Variants in CTTNBP2 observed in about 807,000 individuals in gnomAD.
CTTNBP2 encodes cortactin-binding protein 2.
CTTNBP2 carries 108 observed loss-of-function variants against 156.9 expected under a neutral mutation model. The ratio of observed to expected loss-of-function variants is 0.69; its 90% confidence interval spans 0.59 to 0.81. CTTNBP2 has a LOEUF of 0.81. Among genes scored for constraint, CTTNBP2 ranks in the 30% least tolerant of loss-of-function variants. The pLI is 0.00. For missense variants in CTTNBP2, 1,924 were observed against 2,035.4 expected (o/e 0.95, Z 1.05); for synonymous variants, 767 against 751.8 (o/e 1.02, Z -0.33).
intron 1 of CTTNBP2, among the ~76,000 whole-genome samples, chr7:117,868,452 T>C (rs7794364): frequency 0.76 from 116,279 of 152,172 alleles, 45,506 homozygotes; most frequent in African/African-American, 0.93. Context: ...TGATCCCCAA[T>C]GTATTAGTTG....
At chr7:117,851,393 A>T (rs915708938) in intron 2 of CTTNBP2, among the ~76,000 whole-genome samples, 1 of 152,168 alleles carries the variant, frequency 6.6e-6, no homozygotes, top group Non-Finnish European at 1.5e-5. Context: ...ACCCCCTCAC[A>T]CACACACAAC....
At chr7:117,844,596 C>T (rs953006982) in intron 2 of CTTNBP2, among the ~76,000 whole-genome samples, 1 of 152,144 alleles carries the variant, frequency 6.6e-6, no homozygotes, top group African/African-American at 2.4e-5. Context: ...AGCAAGCAAC[C>T]ATTCTAAGGA....
intron 10 of CTTNBP2, 38 bp from the exon 11 acceptor site, chr7:117,758,008 T>A (rs749355438): frequency 1.3e-5 from 19 of 1,487,836 alleles, no homozygotes; most frequent in Non-Finnish European, 1.6e-5. Context: ...CAAGGGAAGC[T>A]TATGAGTGGT....
chr7:117,728,045 ACGTC>A (rs1158633591), intron 17 of CTTNBP2, 40 bp downstream of exon 17: 1 of 1,561,536 alleles, frequency 6.4e-7, no homozygotes, highest in South Asian at 1.2e-5. Flanking sequence ...TGAATTGGCC[ACGTC>A]TCTATCATAA....
At position 117,724,561 on chromosome 7, in the gene CTTNBP2, T is replaced by C; in HGVS notation, c.4433A>G (p.Asp1478Gly). 2 of 1,613,572 alleles carry C rather than the reference T, an allele frequency of 1.2e-6. No individual in the cohort carries two copies. The highest frequency in any genetic ancestry group is 1.7e-6 in the Non-Finnish European group (2 of 1,179,922). The stretch of plus-strand genomic sequence containing the variant: ...CCGCCCTTTACCTTCAGTGCTTAGG[T>C]CTGGCTTATTCCAGGTGGGTAAAGA... ...RFSLPTWNKPDLSTEGMKNKT... is the reference protein window; with the variant it reads ...RFSLPTWNKPGLSTEGMKNKT... The change falls in exon 19 of 23, where the codon GAC (aspartate) becomes GGC (glycine). Residue 1478 changes from aspartate (D) to glycine (G), a missense_variant. Transcript: ENST00000160373.
chr7:117,834,090 T>C (rs1033863888), intron 2 of CTTNBP2, among the ~76,000 whole-genome samples: 2 of 151,846 alleles, frequency 1.3e-5, no homozygotes, highest in Non-Finnish European at 2.9e-5. Flanking sequence ...TTTACTCCAT[T>C]GCTGCCCAGG....
chr7:117,791,168 A>G lies in CTTNBP2; in HGVS notation c.2028T>C (p.Cys676=). The G allele has an allele frequency of 1.2e-6, 2 of 1,614,176 alleles. No individual in the cohort carries two copies. The part of the protein sequence containing the change: ...SSINPVSASS[C]RPGASDSLLV... ...GGAGGCTGTCTGAGGCACCTGGTCT[A>G]CAGGATGAGGCACTAACGGGGTTTA... Residue 676 remains cysteine (C), a synonymous_variant, in exon 4 of 23, where the codon TGT becomes TGC. Transcript: ENST00000160373.
At chr7:117,779,519 G>A (rs1244655376) in intron 7 of CTTNBP2, among the ~76,000 whole-genome samples, 1 of 150,924 alleles carries the variant, frequency 6.6e-6, no homozygotes, top group East Asian at 1.9e-4. Flanking sequence ...TTTTCATTCA[G>A]CCCTGTGATA....
chr7:117,865,340 T>C (rs1395827183), intron 1 of CTTNBP2, among the ~76,000 whole-genome samples: 5 of 151,366 alleles, frequency 3.3e-5, no homozygotes, highest in Admixed American at 2.0e-4. Context: ...TATTTTTTAG[T>C]GATGAAAAGA....
rs142276345 is a variant in CTTNBP2 at position 117,725,757 on chromosome 7, G to A, written c.4056-500C>T. 5.4e-3 allele frequency among the ~76,000 whole-genome samples: 817 copies of A among 151,980 alleles called. 2 individuals carry two copies. The highest frequency in any genetic ancestry group is 0.019 in the African/African-American group (774 of 41,422). On this transcript the variant is annotated intron_variant, in intron 17 of 22. Transcript: ENST00000160373. Reference sequence around the variant, plus strand: ...GGCTGGAGTGCCAAGGCGCAATCTCGGCTCACTGCAACCTCTGCCTCTTGG... The same window carrying A: ...GGCTGGAGTGCCAAGGCGCAATCTCAGCTCACTGCAACCTCTGCCTCTTGG...
chr7:117,741,010 T>C (rs983141006), intron 14 of CTTNBP2, among the ~76,000 whole-genome samples: 2 of 152,146 alleles, frequency 1.3e-5, no homozygotes, highest in Non-Finnish European at 2.9e-5. Flanking sequence ...GTTCCTGATG[T>C]AGATTCTGAG....
rs146299860 is a variant in CTTNBP2 at position 117,718,077 on chromosome 7, C to T, written c.4687G>A (p.Gly1563Arg). Residue 1563 changes from glycine (G) to arginine (R), a missense_variant, in exon 22 of 23, where the codon GGA (glycine) becomes AGA (arginine). Coordinates refer to ENST00000160373, the MANE Select transcript of CTTNBP2 (RefSeq NM_033427.3). ...RDDLRMFDSS[G>R]NNPVLSATIN... The stretch of plus-strand genomic sequence containing the variant: ...GTTGCTGAAAGTACAGGGTTGTTTC[C>T]AGAACTATCAAACATCCTTAAATCA... 101 of 1,613,276 alleles carry T rather than the reference C, an allele frequency of 6.3e-5. No individual in the cohort carries two copies. Among genetic ancestry groups the T allele is most frequent in the Non-Finnish European group, 8.0e-5 (94 of 1,179,520 alleles).
chr7:117,747,574 AC>A (rs1159085495), intron 12 of CTTNBP2, among the ~76,000 whole-genome samples: 4 of 152,326 alleles, frequency 2.6e-5, no homozygotes, highest in Admixed American at 2.6e-4. Context: ...GGCGTTCAAG[AC>A]TAGACTGGCA....
chr7:117,851,170 A>C (rs1217963901), intron 2 of CTTNBP2, among the ~76,000 whole-genome samples: 1 of 152,178 alleles, frequency 6.6e-6, no homozygotes, highest in African/African-American at 2.4e-5. Flanking sequence ...TGGGAGGCTG[A>C]GGTAAGAGGA....
At chr7:117,722,674 T>C (rs779219125) in intron 19 of CTTNBP2, among the ~76,000 whole-genome samples, 10 of 152,306 alleles carry the variant, frequency 6.6e-5, no homozygotes, top group Non-Finnish European at 1.2e-4. Context: ...CTAAAGCATA[T>C]ACCAACAATT....
intron 7 of CTTNBP2, 75 bp downstream of exon 7, chr7:117,780,362 TTTTG>T (rs1469576065): frequency 4.1e-6 from 4 of 966,300 alleles, no homozygotes; most frequent in South Asian, 2.8e-5. Flanking sequence ...TTTTAATTTA[TTTTG>T]TTTTTCTAGT....
chr7:117,853,652 T>C (rs1803074615), intron 2 of CTTNBP2, among the ~76,000 whole-genome samples: 1 of 152,186 alleles, frequency 6.6e-6, no homozygotes, highest in South Asian at 2.1e-4. Flanking sequence ...ATCATCTTCA[T>C]AGTATACAAA....
At chr7:117,812,517 T>C (rs913387190) in intron 2 of CTTNBP2, among the ~76,000 whole-genome samples, 1 of 152,064 alleles carries the variant, frequency 6.6e-6, no homozygotes, top group Non-Finnish European at 1.5e-5. Context: ...AACATTTCTT[T>C]CCTTATCATC....
intron 17 of CTTNBP2, among the ~76,000 whole-genome samples, chr7:117,727,248 G>A (rs1428653612): frequency 6.6e-6 from 1 of 152,090 alleles, no homozygotes; most frequent in Non-Finnish European, 1.5e-5. Context: ...CTGGAGTTCG[G>A]TGGCTTAATC....
Sources: allele counts gnomAD v4.1 joint callset (sites outside exome capture counted in the v4.1 genomes callset), GRCh38; gene constraint gnomAD v4.1.1; transcripts MANE v1.5; gene names NCBI Gene and HGNC (gene_info 2026-07-23, HGNC 2026-07-21).